The following IMMP2L variants were observed in gnomAD, a reference collection of about 807,000 sequenced individuals.
IMMP2L encodes the protein mitochondrial inner membrane protease subunit 2.
In IMMP2L, 18 loss-of-function variants were observed where a neutral mutation model predicts 19.3. That is an observed-to-expected ratio of 0.93 (90% confidence interval 0.64 to 1.38). IMMP2L has a LOEUF of 1.38. IMMP2L is among the 40% of genes most tolerant of loss of function. The pLI is 0.00. For synonymous variants in IMMP2L, 76 were observed against 73.0 expected, an observed-to-expected ratio of 1.04 and a Z score of -0.21; for missense variants, 233 against 218.2, an observed-to-expected ratio of 1.07 and a Z score of -0.43.
At chr7:111,277,731 G>C (rs1819254752) in intron 3 of IMMP2L, among the ~76,000 whole-genome samples, 1 of 151,972 alleles carries the variant, frequency 6.6e-6, no homozygotes, top group Non-Finnish European at 1.5e-5. Flanking sequence ...CCCACTACTG[G>C]GTATCTACCC....
intron 4 of IMMP2L, among the ~76,000 whole-genome samples, chr7:110,932,589 C>T (rs1489302722): frequency 6.6e-6 from 1 of 152,130 alleles, no homozygotes; most frequent in Non-Finnish European, 1.5e-5. Flanking sequence ...CTCCTGACCT[C>T]GTGATCTACC....
chr7:111,447,496 C>G (rs1024354495), intron 3 of IMMP2L, among the ~76,000 whole-genome samples: 3 of 146,574 alleles, frequency 2.0e-5, no homozygotes, highest in East Asian at 2.0e-4. Flanking sequence ...ACTTTACAGA[C>G]AAGCAAATGC....
chr7:111,537,755 CA>C (rs781295984), intron 1 of IMMP2L, among the ~76,000 whole-genome samples: 1 of 151,798 alleles, frequency 6.6e-6, no homozygotes, highest in Non-Finnish European at 1.5e-5. Flanking sequence ...AGGCTAATCT[CA>C]AACTCCTGAG....
At chr7:111,286,797 G>C (rs566136054) in intron 3 of IMMP2L, among the ~76,000 whole-genome samples, 2 of 152,218 alleles carry the variant, frequency 1.3e-5, no homozygotes, top group South Asian at 2.1e-4. Context: ...CTCAGAAAAT[G>C]GTCATGGATC....
intron 3 of IMMP2L, among the ~76,000 whole-genome samples, chr7:111,446,582 G>A (rs1462408893): frequency 6.6e-6 from 1 of 151,750 alleles, no homozygotes; most frequent in Non-Finnish European, 1.5e-5. Flanking sequence ...AAGACCAAAA[G>A]TAGATAAAAC....
chr7:110,980,296 T>C (rs1458899551), intron 3 of IMMP2L, among the ~76,000 whole-genome samples: 1 of 143,262 alleles, frequency 7.0e-6, no homozygotes, highest in Non-Finnish European at 1.5e-5. Flanking sequence ...GGAGCAATCT[T>C]GGCTCACTGC....
At position 111,173,842 on chromosome 7, in the gene IMMP2L, T is replaced by C. The variant is rs79394241; in HGVS notation, c.240-210277A>G. Among the ~76,000 whole-genome samples, 1,435 of 151,842 alleles carry C rather than the reference T, an allele frequency of 9.5e-3. 23 individuals carry two copies. Among genetic ancestry groups the C allele is most frequent in the African/African-American group, 0.032 (1,330 of 41,502 alleles). The stretch of plus-strand genomic sequence containing the variant: ...TGAGGAAAGAAGCTTACCATCATTG[T>C]AACATTTAAGAAAATCACAAGCAAA... On this transcript the variant is annotated intron_variant, in intron 3 of 5. Transcript: ENST00000405709.
intron 3 of IMMP2L, among the ~76,000 whole-genome samples, chr7:111,390,140 G>T (rs552524961): frequency 2.0e-5 from 3 of 152,270 alleles, no homozygotes; most frequent in African/African-American, 7.2e-5. Flanking sequence ...ACAGCCGCCA[G>T]GTCAGTAGAC....
At chr7:111,481,708 C>G (rs538296875) in intron 3 of IMMP2L, among the ~76,000 whole-genome samples, 2 of 152,094 alleles carry the variant, frequency 1.3e-5, no homozygotes, top group Non-Finnish European at 2.9e-5. Flanking sequence ...CTTTAGAAGT[C>G]TACCTTTGCT....
chr7:111,142,273 C>A (rs1271492581), intron 3 of IMMP2L, among the ~76,000 whole-genome samples: 1 of 149,834 alleles, frequency 6.7e-6, no homozygotes, highest in African/African-American at 2.5e-5. Context: ...TTGCAGTGAG[C>A]CAAGATCGCG....
chr7:111,060,186 C>T (rs1313800397), intron 3 of IMMP2L, among the ~76,000 whole-genome samples: 1 of 152,152 alleles, frequency 6.6e-6, no homozygotes, highest in Non-Finnish European at 1.5e-5. Flanking sequence ...GACCTTTTTA[C>T]CCAAGCCTAT....
chr7:110,806,408 A>G (rs1260498935), intron 5 of IMMP2L, among the ~76,000 whole-genome samples: 1 of 152,012 alleles, frequency 6.6e-6, no homozygotes, highest in Non-Finnish European at 1.5e-5. Flanking sequence ...GTAAAGGGCT[A>G]TTGAAGGAAG....
At chr7:111,294,032 C>G (rs1821381525) in intron 3 of IMMP2L, among the ~76,000 whole-genome samples, 1 of 151,900 alleles carries the variant, frequency 6.6e-6, no homozygotes, top group Non-Finnish European at 1.5e-5. Flanking sequence ...AGTCACTGCT[C>G]TAAACCACTG....
intron 3 of IMMP2L, among the ~76,000 whole-genome samples, chr7:111,170,663 G>A (rs1806333507): frequency 1.3e-5 from 2 of 151,830 alleles, no homozygotes; most frequent in African/African-American, 4.8e-5. Context: ...AATGAGGTCT[G>A]AGGGTTCCTA....
At chr7:110,906,500 C>T (rs570426501) in intron 4 of IMMP2L, among the ~76,000 whole-genome samples, 2 of 152,182 alleles carry the variant, frequency 1.3e-5, no homozygotes, top group East Asian at 1.9e-4. Flanking sequence ...CTAGTGAATA[C>T]GAGGTTGGAA....
intron 3 of IMMP2L, among the ~76,000 whole-genome samples, chr7:111,293,551 G>C (rs1024407507): frequency 1.1e-4 from 17 of 151,166 alleles, no homozygotes; most frequent in Non-Finnish European, 3.0e-5. Context: ...AAGCACTTAC[G>C]GATATGCTTC....
At chr7:111,340,618 A>C (rs1184101583) in intron 3 of IMMP2L, among the ~76,000 whole-genome samples, 1 of 152,064 alleles carries the variant, frequency 6.6e-6, no homozygotes, top group East Asian at 1.9e-4. Flanking sequence ...ATTTATACCA[A>C]AGAGAAATTC....
chr7:110,945,042 A>C (rs1428092556), intron 4 of IMMP2L, among the ~76,000 whole-genome samples: 1 of 151,906 alleles, frequency 6.6e-6, no homozygotes, highest in Non-Finnish European at 1.5e-5. Context: ...AAAACAAAAC[A>C]AAGGGAACAA....
intron 3 of IMMP2L, among the ~76,000 whole-genome samples, chr7:111,465,669 G>A (rs972457543): frequency 2.0e-5 from 3 of 151,976 alleles, no homozygotes; most frequent in Non-Finnish European, 4.4e-5. Flanking sequence ...AAAAAGTCAG[G>A]AAACAACAGG....
Sources: allele counts gnomAD v4.1 joint callset (sites outside exome capture counted in the v4.1 genomes callset), GRCh38; gene constraint gnomAD v4.1.1; transcripts MANE v1.5; gene names NCBI Gene and HGNC (gene_info 2026-07-23, HGNC 2026-07-21).